SEPTIN2: variants seen among roughly 807,000 people sequenced by gnomAD.
SEPTIN2 encodes septin 2, also known as septin-2.
In SEPTIN2, 34 loss-of-function variants were observed where a neutral mutation model predicts 46.5. That is an observed-to-expected ratio of 0.73 (90% CI 0.56 to 0.97). The LOEUF is 0.97. Ranked by LOEUF, SEPTIN2 falls within the 50% of genes least tolerant of loss-of-function variation. The probability of loss-of-function intolerance (pLI) is 0.00; values close to 1 mark genes in which losing one functional copy is unlikely to be tolerated. For missense variants in SEPTIN2, 347 were observed against 448.4 expected (o/e 0.77, Z 2.04); for synonymous variants, 175 against 153.4 (o/e 1.14, Z -1.04).
rs1403135993 is a variant in SEPTIN2, at chr2:241,352,000, C to T, written c.*63C>T. On this transcript the variant is annotated 3_prime_UTR_variant, in exon 13 of 13. Transcript: ENST00000391971. ...TTCCTGGATAAAAAAGAAAACATTCCAGATGCATGATCCAGCTGTGTGTTT... is the reference window on the plus strand; with the variant it reads ...TTCCTGGATAAAAAAGAAAACATTCTAGATGCATGATCCAGCTGTGTGTTT... The T allele has an allele frequency of 6.6e-6, 1 of 152,590 alleles. No homozygotes were observed. Among genetic ancestry groups the T allele is most frequent in the Admixed American group, 6.5e-5 (1 of 15,274 alleles). 9.5% of individuals were successfully genotyped at this position (152,590 alleles called of 1,614,324 possible).
chr2:241,335,701 T>C, intron 4 of SEPTIN2: 1 of 569,500 alleles, frequency 1.8e-6, no homozygotes. Context: ...ATTCAGTTTT[T>C]AAATGAATTC....
At chr2:241,330,918 C>G (rs1188820963) in intron 3 of SEPTIN2, among the ~76,000 whole-genome samples, 1 of 152,168 alleles carries the variant, frequency 6.6e-6, no homozygotes, top group Non-Finnish European at 1.5e-5. Flanking sequence ...ACCTGTAATC[C>G]CAGCACTTTG....
chr2:241,326,647 T>G (rs957954743), intron 3 of SEPTIN2, among the ~76,000 whole-genome samples: 1 of 149,790 alleles, frequency 6.7e-6, no homozygotes, highest in African/African-American at 2.5e-5. Context: ...TAAAAGGCAT[T>G]ATGGCCCCCC....
At chr2:241,349,991 T>C in intron 11 of SEPTIN2, 82 bp from the exon 12 acceptor site, 1 of 1,390,472 alleles carries the variant, frequency 7.2e-7, no homozygotes. Flanking sequence ...GAAGTTGAAA[T>C]TTTAGGAATC....
rs569251050 is a variant in SEPTIN2, at chr2:241,331,240, TAAC to T, written c.131-3884_131-3882del. ...TTAATAATTTTAAGACAGTACCACT[TAAC>T]AGTCACAAAAAATATTGTTCAGAGA... On this transcript the variant is annotated intron_variant, in intron 3 of 12. Coordinates refer to ENST00000391971, the MANE Select transcript of SEPTIN2 (RefSeq NM_004404.5). 4.7e-3 allele frequency among the ~76,000 whole-genome samples: 712 copies of T among 152,314 alleles called. 3 individuals carry two copies. The highest frequency in any genetic ancestry group is 0.016 in the African/African-American group (683 of 41,558).
chr2:241,343,693 G>A, intron 8 of SEPTIN2, 59 bp from the exon 9 acceptor site: 2 of 1,593,060 alleles, frequency 1.3e-6, no homozygotes, highest in Non-Finnish European at 1.7e-6. Flanking sequence ...TTCTCGTGTT[G>A]CCAGTGAACT....
At position 241,326,112 on chromosome 2, in the gene SEPTIN2, C is replaced by T. The variant is rs779757638; in HGVS notation, c.129C>T (p.Val43=). ...KKGFEFTLMV[V]GESGLGKSTL... is the part of the protein sequence containing the mutation. ...GTTTTGAGTTCACACTGATGGTGGT[C>T]GGTAAGAAATTAATCTATAGTCTCC... Residue 43 remains valine, a splice_region_variant and synonymous_variant, in exon 3 of 13, where the codon GTC becomes GTT. Coordinates refer to ENST00000391971, the MANE Select transcript of SEPTIN2 (RefSeq NM_004404.5). 72 of 1,610,226 alleles carry T rather than the reference C, an allele frequency of 4.5e-5. No homozygotes were observed. In the East Asian group the frequency reaches 1.2e-3, roughly 26 times the overall value.
chr2:241,347,157 G>T (rs1369499319), intron 10 of SEPTIN2, among the ~76,000 whole-genome samples: 1 of 151,948 alleles, frequency 6.6e-6, no homozygotes, highest in Non-Finnish European at 1.5e-5. Context: ...CTAGGGGGAG[G>T]ATTCCTTGAG....
Position 241,352,661 on chromosome 2 carries a change from C to A in SEPTIN2, c.*724C>A, listed in dbSNP as rs1407100982. 1 of 152,160 alleles carries A rather than the reference C, an allele frequency of 6.6e-6. No individual in the cohort carries two copies. The highest frequency in any genetic ancestry group is 2.1e-4 in the South Asian group (1 of 4,830). 9.4% of individuals were successfully genotyped at this position (152,160 alleles called of 1,614,324 possible). A position where few individuals can be genotyped will look rare whatever the true frequency, so the allele number is the denominator to read the frequency against. On this transcript the variant is annotated 3_prime_UTR_variant, in exon 13 of 13. Transcript: ENST00000391971. Reference sequence around the variant, plus strand: ...TTAAAACCACTATGCAAAGAACTCACCACAAGCCACCTTTTGTAGTGTTCT... The same window carrying A: ...TTAAAACCACTATGCAAAGAACTCAACACAAGCCACCTTTTGTAGTGTTCT...
chr2:241,342,156 T>C (rs899659381), intron 7 of SEPTIN2, among the ~76,000 whole-genome samples: 1 of 152,220 alleles, frequency 6.6e-6, no homozygotes, highest in Non-Finnish European at 1.5e-5. Context: ...CAACTGGATG[T>C]CTTAGATTCC....
chr2:241,349,658 T>C (rs1476276009), intron 11 of SEPTIN2, among the ~76,000 whole-genome samples: 1 of 151,912 alleles, frequency 6.6e-6, no homozygotes, highest in Non-Finnish European at 1.5e-5. Flanking sequence ...CCGTCTCTAC[T>C]GAAAATACAA....
In SEPTIN2 at chr2:241,335,095, G is replaced by T. The variant is rs778148297; in HGVS notation, c.131-31G>T. The T allele has an allele frequency of 2.7e-6, 4 of 1,488,236 alleles. No homozygotes were observed. The Admixed American group carries it at 6.8e-5, about 25-fold the overall frequency. The allele number at this position is 1,488,236 out of a possible 1,614,324, so 92.2% of individuals were successfully genotyped here. On this transcript the variant is annotated intron_variant, in intron 3 of 12. Transcript: ENST00000391971. The stretch of plus-strand genomic sequence containing the variant: ...GATTGAATGGTGTCATATGAATAAG[G>T]TCATGACAAGGTTTTTCTTTTTATT...
At chr2:241,337,563 T>C in intron 6 of SEPTIN2, 47 bp downstream of exon 6, 1 of 1,602,622 alleles carries the variant, frequency 6.2e-7, no homozygotes, top group African/African-American at 1.3e-5. Context: ...CATGGGTTTG[T>C]AAGTTTTACC....
Position 241,350,053 on chromosome 2 carries a change from A to ATG in SEPTIN2, c.985-8_985-7dup, listed in dbSNP as rs760119730. 1.5e-5 allele frequency: 24 copies of ATG among 1,602,814 alleles called. No individual in the cohort carries two copies. Among genetic ancestry groups the ATG allele is most frequent in the Non-Finnish European group, 1.7e-5 (20 of 1,171,344 alleles). On this transcript the variant is annotated intron_variant, in intron 11 of 12. Coordinates refer to ENST00000391971, the MANE Select transcript of SEPTIN2 (RefSeq NM_004404.5). ...AGACAGCAAACCTTGAAAACCTATA[A>ATG]TGTGTGTGTGTGTTCACAGCTCCGC...
rs1355241675 is a variant in SEPTIN2, at chr2:241,337,369, C to T, written c.342-13C>T. 1 of 1,608,502 alleles carries T rather than the reference C, an allele frequency of 6.2e-7. No individual in the cohort carries two copies. Among genetic ancestry groups the T allele is most frequent in the African/African-American group, 1.3e-5 (1 of 74,754 alleles). On this transcript the variant is annotated splice_polypyrimidine_tract_variant and intron_variant, in intron 5 of 12. Transcript: ENST00000391971. ...TACCCTATGATTATTGTTAATGTTT[C>T]TGTTTCTCTCAGTTTTAAGACAATT...
intron 3 of SEPTIN2, among the ~76,000 whole-genome samples, chr2:241,328,277 A>G (rs541631368): frequency 6.6e-6 from 1 of 152,040 alleles, no homozygotes; most frequent in African/African-American, 2.4e-5. Flanking sequence ...TCTACTAAAA[A>G]TACAAAAACC....
At chr2:241,349,988 A>T (rs575969998) in intron 11 of SEPTIN2, 85 bp from the exon 12 acceptor site, 12 of 1,365,348 alleles carry the variant, frequency 8.8e-6, no homozygotes, top group South Asian at 1.3e-5. Flanking sequence ...GTAGAAGTTG[A>T]AATTTTAGGA....
chr2:241,330,345 C>G (rs898295718), intron 3 of SEPTIN2, among the ~76,000 whole-genome samples: 2 of 152,170 alleles, frequency 1.3e-5, no homozygotes, highest in African/African-American at 4.8e-5. Context: ...TTATACCAGT[C>G]CACATGTAAA....
At chr2:241,335,385 G>A in intron 4 of SEPTIN2, 173 bp downstream of exon 4, 2 of 1,549,840 alleles carry the variant, frequency 1.3e-6, no homozygotes, top group South Asian at 1.2e-5. Context: ...TTGGATTTGG[G>A]TTGTAGACTT....
Sources: gnomAD v4.1 joint callset for allele counts (sites outside exome capture counted in the v4.1 genomes callset) on GRCh38, gnomAD v4.1.1 for gene constraint, MANE v1.5 for transcripts, NCBI Gene and HGNC (gene_info 2026-07-23, HGNC 2026-07-21) for gene names.